PTPN13: variants seen among roughly 807,000 people sequenced by gnomAD.
PTPN13 encodes the protein tyrosine-protein phosphatase non-receptor type 13.
Under a neutral mutation model 284.0 loss-of-function variants are expected in PTPN13, and 191 were observed. The observed-to-expected ratio is 0.67, with a 90% CI of 0.60 to 0.76. PTPN13 has a LOEUF of 0.76. Ranked by LOEUF, PTPN13 falls within the 30% of genes least tolerant of loss-of-function variation. PTPN13 has a pLI of 0.00. For synonymous variants in PTPN13, 986 were observed against 1,022.3 expected, an observed-to-expected ratio of 0.96 and a Z score of 0.68; for missense variants, 2,797 against 2,939.9, an observed-to-expected ratio of 0.95 and a Z score of 1.12.
At position 86,635,305 on chromosome 4, in the gene PTPN13, C is replaced by A. The variant is rs1225045896; in HGVS notation, c.49C>A (p.Gln17Lys). The A allele has an allele frequency of 4.4e-6, 7 of 1,607,936 alleles. No homozygotes were observed. In the African/African-American group the frequency reaches 9.4e-5, roughly 21 times the overall value. Reference sequence around the variant, plus strand: ...CCTGGAGGTTCGGGGTGGACCACTTCAGGAGGAAGAAATATGGGCTGTATT... The same window carrying A: ...CCTGGAGGTTCGGGGTGGACCACTTAAGGAGGAAGAAATATGGGCTGTATT... ...EALEVRGGPL[Q>K]EEEIWAVLNQ... The change falls in exon 2 of 48, where the codon CAG becomes AAG. Residue 17 changes from glutamine (Q) to lysine (K), a missense_variant. Gln to Lys is a moderately conservative substitution (Grantham distance 53). Coordinates refer to ENST00000411767, the MANE Select transcript of PTPN13 (RefSeq NM_080683.3).
intron 1 of PTPN13, among the ~76,000 whole-genome samples, chr4:86,628,548 T>C (rs1340072240): frequency 7.0e-6 from 1 of 143,604 alleles, no homozygotes; most frequent in African/African-American, 2.6e-5. Flanking sequence ...CATGTGCACA[T>C]TGTGCAGGTT....
chr4:86,753,539 AGAACTAAGTAGG>A (rs776135786), intron 20 of PTPN13, among the ~76,000 whole-genome samples: 103 of 152,016 alleles, frequency 6.8e-4, no homozygotes, highest in Non-Finnish European at 1.3e-3. Flanking sequence ...GTAAAGTTTG[AGAACTAAGTAGG>A]GACCAGTTTT....
At chr4:86,728,198 G>T (rs1353767071) in intron 10 of PTPN13, among the ~76,000 whole-genome samples, 1 of 149,532 alleles carries the variant, frequency 6.7e-6, no homozygotes, top group Non-Finnish European at 1.5e-5. Flanking sequence ...TGTGATTTCT[G>T]TTCTTTTACA....
chr4:86,736,826 A>T (rs115041392), intron 15 of PTPN13, among the ~76,000 whole-genome samples: 2,850 of 152,292 alleles, frequency 0.019, 52 homozygotes, highest in Non-Finnish European at 0.027. Context: ...CTCCTTGTAA[A>T]TAGCATGCCT....
chr4:86,699,460 G>A (rs184680389), intron 6 of PTPN13, among the ~76,000 whole-genome samples: 1 of 152,078 alleles, frequency 6.6e-6, no homozygotes, highest in Non-Finnish European at 1.5e-5. Context: ...TCCTCCAACA[G>A]CTCCGGTTTT....
chr4:86,666,120 C>A (rs1727044010), intron 2 of PTPN13, among the ~76,000 whole-genome samples: 1 of 152,088 alleles, frequency 6.6e-6, no homozygotes, highest in African/African-American at 2.4e-5. Flanking sequence ...ACTGTATAAA[C>A]CATAAATATC....
chr4:86,627,983 C>A (rs1450201696), intron 1 of PTPN13, among the ~76,000 whole-genome samples: 2 of 151,804 alleles, frequency 1.3e-5, no homozygotes, highest in South Asian at 2.1e-4. Context: ...TTGCTTGTTT[C>A]CAGTTTTTAG....
At chr4:86,598,310 A>C (rs1238249147) in intron 1 of PTPN13, among the ~76,000 whole-genome samples, 1 of 151,654 alleles carries the variant, frequency 6.6e-6, no homozygotes, top group Non-Finnish European at 1.5e-5. Context: ...ACACCTGGCT[A>C]ATTTCTATAT....
intron 16 of PTPN13, among the ~76,000 whole-genome samples, chr4:86,743,264 A>T (rs1736357693): frequency 6.6e-6 from 1 of 151,650 alleles, no homozygotes; most frequent in South Asian, 2.1e-4. Context: ...ATTAATATGA[A>T]CCTCTAACCT....
chr4:86,604,695 G>A (rs1340365770), intron 1 of PTPN13, among the ~76,000 whole-genome samples: 1 of 151,802 alleles, frequency 6.6e-6, no homozygotes, highest in African/African-American at 2.4e-5. Context: ...TTAAAAAATA[G>A]CAACAATTAG....
intron 1 of PTPN13, among the ~76,000 whole-genome samples, chr4:86,601,508 CTT>C (rs1448497632): frequency 5.9e-5 from 9 of 151,946 alleles, no homozygotes; most frequent in African/African-American, 1.9e-4. Context: ...AATATTAAAA[CTT>C]AATATTTAAT....
intron 3 of PTPN13, among the ~76,000 whole-genome samples, chr4:86,681,894 A>T (rs1728933650): frequency 6.6e-6 from 1 of 151,958 alleles, no homozygotes; most frequent in South Asian, 2.1e-4. Flanking sequence ...GCACCACTGC[A>T]CTCCAGCCTG....
At chr4:86,805,503 A>T in intron 44 of PTPN13, 134 bp downstream of exon 44, 1 of 474,326 alleles carries the variant, frequency 2.1e-6, no homozygotes, top group Non-Finnish European at 3.8e-6. Flanking sequence ...TATATCAGTA[A>T]CAAATACATT....
At chr4:86,629,186 G>A (rs570152201) in intron 1 of PTPN13, among the ~76,000 whole-genome samples, 41 of 147,422 alleles carry the variant, frequency 2.8e-4, no homozygotes, top group South Asian at 4.6e-4. Flanking sequence ...GAAAATTTTC[G>A]CAACCTACTC....
rs912918290 is a variant in PTPN13 at position 86,799,806 on chromosome 4, AAGG to A, written c.6505+605_6505+607del. 5.3e-5 allele frequency among the ~76,000 whole-genome samples: 8 copies of A among 150,082 alleles called. No individual in the cohort carries two copies. In the South Asian group the frequency reaches 6.4e-4, roughly 12 times the overall value. ...TGAAGTCATAATTTTGCCATTCTGG[AAGG>A]AGAAGTCAAGGGGCACTTTTTTTTT... On this transcript the variant is annotated intron_variant, in intron 42 of 47. Transcript: ENST00000411767.
chr4:86,672,649 A>G, intron 3 of PTPN13, 106 bp downstream of exon 3: 1 of 880,956 alleles, frequency 1.1e-6, no homozygotes, highest in South Asian at 2.1e-5. Flanking sequence ...ATTGAGTTTT[A>G]AATGACCGTG....
chr4:86,766,765 G>T, intron 27 of PTPN13: 1 of 308,590 alleles, frequency 3.2e-6, no homozygotes, highest in Non-Finnish European at 5.9e-6. Context: ...AGATCTGATG[G>T]GGGAGGGATG....
At chr4:86,652,165 A>G (rs1232382700) in intron 2 of PTPN13, among the ~76,000 whole-genome samples, 7 of 151,864 alleles carry the variant, frequency 4.6e-5, no homozygotes, top group Non-Finnish European at 1.0e-4. Flanking sequence ...TCTCAATTTT[A>G]ATAATTTTTG....
At chr4:86,814,091 T>G (rs1745537333) in intron 47 of PTPN13, among the ~76,000 whole-genome samples, 1 of 133,228 alleles carries the variant, frequency 7.5e-6, no homozygotes, top group Admixed American at 8.5e-5. Flanking sequence ...CACTGCAACC[T>G]CCGCCTCCTG....
Sources: gnomAD v4.1 joint callset for allele counts (sites outside exome capture counted in the v4.1 genomes callset) on GRCh38, gnomAD v4.1.1 for gene constraint, MANE v1.5 for transcripts, NCBI Gene and HGNC (gene_info 2026-07-23, HGNC 2026-07-21) for gene names.